The following DUSP22 variants were observed in gnomAD, a reference collection of about 807,000 sequenced individuals.
DUSP22 encodes the protein dual specificity protein phosphatase 22.
A neutral mutation model predicts 24.5 loss-of-function variants in DUSP22; 24 were observed. The observed-to-expected ratio is 0.98, with a 90% CI of 0.71 to 1.38. The LOEUF (loss-of-function observed/expected upper bound fraction) is 1.38. Ranked by LOEUF, DUSP22 falls within the 40% of genes most tolerant of loss-of-function variation. The pLI is 0.00. For missense variants in DUSP22, 330 were observed against 269.2 expected, an observed-to-expected ratio of 1.23 and a Z score of -1.58; for synonymous variants, 160 against 106.4, an observed-to-expected ratio of 1.50 and a Z score of -3.10.
chr6:314,165 G>T (rs1448433715), intron 3 of DUSP22, among the ~76,000 whole-genome samples: 2 of 152,310 alleles, frequency 1.3e-5, no homozygotes, highest in African/African-American at 4.8e-5. Context: ...TCAAGCAAAT[G>T]CAGTGAGCTG....
At chr6:346,732 T>C (rs1408975784) in intron 5 of DUSP22, among the ~76,000 whole-genome samples, 1 of 152,304 alleles carries the variant, frequency 6.6e-6, no homozygotes, top group Non-Finnish European at 1.5e-5. Flanking sequence ...AACAGTCTTT[T>C]GACATTCCCC....
At chr6:296,001 T>C (rs542477805) in intron 1 of DUSP22, among the ~76,000 whole-genome samples, 3 of 147,324 alleles carry the variant, frequency 2.0e-5, no homozygotes, top group South Asian at 2.1e-4. Context: ...ATTTTGAAGA[T>C]AGGAAAAGTC....
At chr6:331,017 ATGTTACG>A (rs1211831123) in intron 3 of DUSP22, among the ~76,000 whole-genome samples, 1 of 152,304 alleles carries the variant, frequency 6.6e-6, no homozygotes, top group African/African-American at 2.4e-5. Context: ...TCACTTCGTC[ATGTTACG>A]CCACTTAAAA....
At chr6:313,615 T>A (rs1185374782) in intron 3 of DUSP22, among the ~76,000 whole-genome samples, 1 of 152,308 alleles carries the variant, frequency 6.6e-6, no homozygotes, top group Non-Finnish European at 1.5e-5. Flanking sequence ...TTTTCTTCAC[T>A]GGGACAGCTT....
rs1341935009 is a variant in DUSP22, at chr6:351,142, G to A, written c.*2191G>A. Reference sequence around the variant, plus strand: ...GGGAGCCTTGCCGCACTGCCTTGTGGGTGGCTTGGCGCTCGTGATTGCTTC... The same window carrying A: ...GGGAGCCTTGCCGCACTGCCTTGTGAGTGGCTTGGCGCTCGTGATTGCTTC... On this transcript the variant is annotated 3_prime_UTR_variant, in exon 7 of 7. Transcript: ENST00000419235. 11 of 531,780 alleles carry A rather than the reference G, an allele frequency of 2.1e-5. No individual in the cohort carries two copies. The highest frequency in any genetic ancestry group is 3.5e-5 in the Admixed American group (1 of 28,872). The allele number at this position is 531,780 out of a possible 1,614,324, so 32.9% of individuals were successfully genotyped here. A position where few individuals can be genotyped will look rare whatever the true frequency, so the allele number is the denominator to read the frequency against.
intron 1 of DUSP22, among the ~76,000 whole-genome samples, chr6:295,800 A>T (rs1471376120): frequency 1.8e-3 from 9 of 5,088 alleles, no homozygotes; most frequent in Middle Eastern, 0.12. Context: ...ACCCTGTTTC[A>T]AAAAAAAAAA....
chr6:294,780 G>A (rs959205111), intron 1 of DUSP22, among the ~76,000 whole-genome samples: 6 of 152,292 alleles, frequency 3.9e-5, no homozygotes, highest in Non-Finnish European at 7.3e-5. Flanking sequence ...GTGTATGTGT[G>A]TGGGGGTGAG....
At chr6:304,583 A>G (rs1401671342) in intron 1 of DUSP22, 45 bp from the exon 2 acceptor site, 2 of 1,614,046 alleles carry the variant, frequency 1.2e-6, no homozygotes, top group South Asian at 2.2e-5. Context: ...AATACCATCC[A>G]CTTAGAGTCT....
intron 3 of DUSP22, among the ~76,000 whole-genome samples, chr6:332,022 A>G (rs560989421): frequency 6.6e-6 from 1 of 152,428 alleles, no homozygotes; most frequent in South Asian, 2.1e-4. Context: ...CACTGGCACA[A>G]ATGATGGTGC....
intron 3 of DUSP22, among the ~76,000 whole-genome samples, chr6:319,131 T>C (rs1353699041): frequency 6.6e-5 from 10 of 151,824 alleles, no homozygotes; most frequent in Non-Finnish European, 1.5e-4. Flanking sequence ...CACTTTTTCC[T>C]CTATTTAAAA....
At chr6:320,858 T>C (rs1478004608) in intron 3 of DUSP22, among the ~76,000 whole-genome samples, 2 of 152,300 alleles carry the variant, frequency 1.3e-5, no homozygotes, top group Non-Finnish European at 2.9e-5. Flanking sequence ...TTTGGCTACG[T>C]TGGAAGTTGT....
intron 4 of DUSP22, among the ~76,000 whole-genome samples, chr6:342,345 A>G (rs1759648268): frequency 1.3e-5 from 2 of 152,302 alleles, no homozygotes; most frequent in Admixed American, 6.5e-5. Flanking sequence ...AGTCAGGGAC[A>G]GCGTCTTGGC....
In DUSP22 at chr6:310,117, C is replaced by T. The variant is rs113732273; in HGVS notation, c.56-1763C>T. Among the ~76,000 whole-genome samples, 1,346 of 152,046 alleles carry T rather than the reference C, an allele frequency of 8.9e-3. 1 individual carries two copies. Among genetic ancestry groups the T allele is most frequent in the Middle Eastern group, 0.024 (7 of 294 alleles). On this transcript the variant is annotated intron_variant, in intron 2 of 6. Transcript: ENST00000419235. ...TGGGGTTTACAGGTGCACACCACCACGCCCAGCTAATTTTTGTAATTTTAG... is the reference window on the plus strand; with the variant it reads ...TGGGGTTTACAGGTGCACACCACCATGCCCAGCTAATTTTTGTAATTTTAG...
chr6:307,555 GCAGC>G (rs1757865764), intron 2 of DUSP22, among the ~76,000 whole-genome samples: 2 of 152,312 alleles, frequency 1.3e-5, no homozygotes, highest in South Asian at 4.1e-4. Flanking sequence ...GCTCCAGGAT[GCAGC>G]AGGCAGCCTT....
At chr6:297,412 G>A (rs558527142) in intron 1 of DUSP22, among the ~76,000 whole-genome samples, 1 of 152,424 alleles carries the variant, frequency 6.6e-6, no homozygotes, top group South Asian at 2.1e-4. Context: ...GCCCTGTTAG[G>A]AAGATGAGGG....
intron 3 of DUSP22, among the ~76,000 whole-genome samples, chr6:324,906 C>T (rs888193855): frequency 6.6e-6 from 1 of 152,312 alleles, no homozygotes; most frequent in Non-Finnish European, 1.5e-5. Flanking sequence ...AACTGCAAAA[C>T]AGGCACAGTG....
rs1178244823 is a variant in DUSP22, at chr6:351,256, G to A, written c.*2305G>A. The A allele has an allele frequency of 8.8e-6, 2 of 227,974 alleles. No individual in the cohort carries two copies. Among genetic ancestry groups the A allele is most frequent in the Non-Finnish European group, 1.7e-5 (2 of 116,394 alleles). 14.1% of individuals were successfully genotyped at this position (227,974 alleles called of 1,614,324 possible). A position where few individuals can be genotyped will look rare whatever the true frequency, so the allele number is the denominator to read the frequency against. ...CTCAAATTCCCCAGCTTGGGAAATA[G>A]CCCTTGGTGTGGGTTTTATCTCTGG... On this transcript the variant is annotated 3_prime_UTR_variant, in exon 7 of 7. Transcript: ENST00000419235.
In DUSP22 at chr6:349,274, G is replaced by T; in HGVS notation, c.*323G>T. On this transcript the variant is annotated 3_prime_UTR_variant, in exon 7 of 7. Coordinates refer to ENST00000419235, the MANE Select transcript of DUSP22 (RefSeq NM_001286555.3). ...GCATGTGTGTGCCTGTGTGAGTGAG[G>T]GTATGTGCACCTAAGTGTGTACATG... 1 of 1,305,918 alleles carries T rather than the reference G, an allele frequency of 7.7e-7. No homozygotes were observed. Among genetic ancestry groups the T allele is most frequent in the Non-Finnish European group, 9.8e-7 (1 of 1,020,990 alleles). 80.9% of individuals were successfully genotyped at this position (1,305,918 alleles called of 1,614,324 possible). A position where few individuals can be genotyped will look rare whatever the true frequency, so the allele number is the denominator to read the frequency against.
intron 1 of DUSP22, among the ~76,000 whole-genome samples, chr6:303,985 C>T (rs1047931807): frequency 3.3e-5 from 5 of 152,300 alleles, no homozygotes; most frequent in Non-Finnish European, 7.3e-5. Flanking sequence ...TCTTAACCTG[C>T]ATATATGTGG....
Sources: gnomAD v4.1 joint callset for allele counts (sites outside exome capture counted in the v4.1 genomes callset) on GRCh38, gnomAD v4.1.1 for gene constraint, MANE v1.5 for transcripts, NCBI Gene and HGNC (gene_info 2026-07-23, HGNC 2026-07-21) for gene names.